CEP112: variants seen among roughly 807,000 people sequenced by gnomAD.
CEP112 encodes the protein centrosomal protein 112.
In CEP112, 127 loss-of-function variants were observed where a neutral mutation model predicts 153.0. The observed-to-expected ratio is 0.83, with a 90% confidence interval of 0.72 to 0.96. The LOEUF (loss-of-function observed/expected upper bound fraction) is 0.96. CEP112 is among the 40% of genes least tolerant of loss of function. CEP112 has a pLI of 0.00. For synonymous variants in CEP112, 358 were observed against 374.4 expected (o/e 0.96, Z 0.51); for missense variants, 1,089 against 1,101.2 (o/e 0.99, Z 0.16).
intron 20 of CEP112, among the ~76,000 whole-genome samples, chr17:65,891,992 T>A (rs1466157569): frequency 6.6e-6 from 1 of 152,230 alleles, no homozygotes; most frequent in African/African-American, 2.4e-5. Context: ...TATTGCTATG[T>A]GATACTCTCC....
At chr17:66,072,220 T>C (rs1245078090) in intron 8 of CEP112, among the ~76,000 whole-genome samples, 1 of 152,172 alleles carries the variant, frequency 6.6e-6, no homozygotes, top group Admixed American at 6.6e-5. Context: ...CTTCAATATA[T>C]ATTTCCTTAG....
intron 19 of CEP112, among the ~76,000 whole-genome samples, chr17:65,909,107 A>C (rs1036619586): frequency 6.6e-6 from 1 of 152,236 alleles, no homozygotes; most frequent in African/African-American, 2.4e-5. Flanking sequence ...AATATGTGGA[A>C]GACTAATATA....
At chr17:66,089,076 T>C (rs1598328745) in intron 8 of CEP112, among the ~76,000 whole-genome samples, 1 of 152,170 alleles carries the variant, frequency 6.6e-6, no homozygotes, top group African/African-American at 2.4e-5. Flanking sequence ...AGCTCAAACA[T>C]GAGGACCAAG....
chr17:65,717,050 G>A (rs970717003), intron 23 of CEP112, among the ~76,000 whole-genome samples: 2 of 152,162 alleles, frequency 1.3e-5, no homozygotes, highest in African/African-American at 4.8e-5. Context: ...ATTCAAACCC[G>A]AAGACATTCT....
At chr17:65,785,018 A>C (rs866053496) in intron 21 of CEP112, among the ~76,000 whole-genome samples, 6 of 152,088 alleles carry the variant, frequency 3.9e-5, no homozygotes, top group African/African-American at 1.4e-4. Flanking sequence ...GGCAACCACT[A>C]ATCTATTTTC....
intron 23 of CEP112, among the ~76,000 whole-genome samples, chr17:65,700,236 T>C (rs928290815): frequency 1.3e-5 from 2 of 152,178 alleles, no homozygotes; most frequent in African/African-American, 2.4e-5. Context: ...AGTATTTCTA[T>C]AATCTGGGCA....
At chr17:65,660,460 CTCCTTCCTTCCT>C (rs143750694) in intron 24 of CEP112, among the ~76,000 whole-genome samples, 8,378 of 78,166 alleles carry the variant, frequency 0.11, 477 homozygotes, top group South Asian at 0.14. Context: ...TCTTCTCTCT[CTCCTTCCTTCCT>C]TCCTTCCTTC....
intron 19 of CEP112, among the ~76,000 whole-genome samples, chr17:65,909,451 A>G (rs776532822): frequency 1.3e-5 from 2 of 152,164 alleles, no homozygotes; most frequent in Non-Finnish European, 2.9e-5. Flanking sequence ...AAGTTTAAGA[A>G]TTTGGAAGGA....
chr17:66,046,082 G>T (rs4396570), intron 12 of CEP112, among the ~76,000 whole-genome samples: 3 of 151,254 alleles, frequency 2.0e-5, no homozygotes, highest in Non-Finnish European at 2.9e-5. Flanking sequence ...TCGCTCTGTC[G>T]CCCAGGCTGA....
intron 20 of CEP112, among the ~76,000 whole-genome samples, chr17:65,859,455 A>G (rs1877594830): frequency 7.3e-6 from 1 of 137,872 alleles, no homozygotes; most frequent in South Asian, 2.3e-4. Context: ...AAAAAAAAAA[A>G]GAAAAGAAAA....
chr17:65,843,792 T>C (rs1349425422), intron 21 of CEP112, among the ~76,000 whole-genome samples: 1 of 152,188 alleles, frequency 6.6e-6, no homozygotes, highest in East Asian at 1.9e-4. Flanking sequence ...GAGCACATTG[T>C]AGAAAACGTT....
intron 16 of CEP112, among the ~76,000 whole-genome samples, chr17:66,015,103 C>T (rs1019170819): frequency 1.3e-5 from 2 of 152,166 alleles, no homozygotes; most frequent in African/African-American, 4.8e-5. Flanking sequence ...TTTTAACCTA[C>T]ATCCCTCTAA....
intron 20 of CEP112, among the ~76,000 whole-genome samples, chr17:65,890,453 T>G (rs2059423336): frequency 6.6e-6 from 1 of 152,220 alleles, no homozygotes; most frequent in African/African-American, 2.4e-5. Flanking sequence ...TGGAACCTCT[T>G]CTGATGACCT....
chr17:65,667,586 A>ACAC (rs1567835782), intron 24 of CEP112, among the ~76,000 whole-genome samples: 1 of 143,858 alleles, frequency 7.0e-6, no homozygotes, highest in East Asian at 2.5e-4. Flanking sequence ...CACACACACA[A>ACAC]AACCTATCGA....
intron 16 of CEP112, among the ~76,000 whole-genome samples, chr17:66,006,985 T>C (rs1598087305): frequency 6.6e-6 from 1 of 152,214 alleles, no homozygotes; most frequent in Non-Finnish European, 1.5e-5. Flanking sequence ...AAAATACCTG[T>C]AGTTAGCTAT....
At chr17:66,052,617 C>T (rs949128899) in intron 12 of CEP112, among the ~76,000 whole-genome samples, 3 of 152,130 alleles carry the variant, frequency 2.0e-5, no homozygotes, top group African/African-American at 4.8e-5. Flanking sequence ...TCCTGAATTA[C>T]TTCAGTAAGG....
rs1424964835 is a variant in CEP112, at chr17:66,062,978, A to T, written c.1059T>A (p.Asn353Lys). ...ICEQSTESLN[N>K]DWEKKLHNAV... ...TGTAGCTTACCTTTTTTTCCCAGTC[A>T]TTATTTAGAGATTCCGTACTTTGTT... Residue 353 changes from asparagine to lysine, a missense_variant, in exon 11 of 27, where the codon AAT (asparagine) becomes AAA (lysine). Asn to Lys is a moderately conservative substitution (Grantham distance 94). Transcript: ENST00000535342. 2 of 1,562,950 alleles carry T rather than the reference A, an allele frequency of 1.3e-6. No homozygotes were observed. The highest frequency in any genetic ancestry group is 1.4e-5 in the African/African-American group (1 of 72,872).
intron 9 of CEP112, among the ~76,000 whole-genome samples, chr17:66,068,413 T>C (rs2067197801): frequency 6.6e-6 from 1 of 152,072 alleles, no homozygotes; most frequent in Admixed American, 6.6e-5. Context: ...GAATAGCCAC[T>C]GTCCTCCTCC....
chr17:65,945,577 G>A (rs7207385), intron 18 of CEP112, among the ~76,000 whole-genome samples: 72,827 of 151,994 alleles, frequency 0.48, 18,445 homozygotes, highest in East Asian at 0.89. Context: ...GCATTCCATT[G>A]GATGTGTAAT....
Sources: allele counts gnomAD v4.1 joint callset (sites outside exome capture counted in the v4.1 genomes callset), GRCh38; gene constraint gnomAD v4.1.1; transcripts MANE v1.5; gene names NCBI Gene and HGNC (gene_info 2026-07-23, HGNC 2026-07-21).